The following PCSK2 variants were observed in gnomAD, a reference collection of about 807,000 sequenced individuals.
PCSK2 encodes the protein neuroendocrine convertase 2.
A neutral mutation model predicts 69.7 loss-of-function variants in PCSK2; 14 were observed. That is an observed-to-expected ratio of 0.20 (90% CI 0.13 to 0.31). The LOEUF (loss-of-function observed/expected upper bound fraction) is 0.31, where lower values mean the gene tolerates loss of function less well. Ranked by LOEUF, PCSK2 falls within the 10% of genes least tolerant of loss-of-function variation. The pLI is 1.00. For missense variants in PCSK2, 544 were observed against 842.5 expected (o/e 0.65, Z 4.39); for synonymous variants, 307 against 320.7 (o/e 0.96, Z 0.46).
At chr20:17,438,203 G>A (rs1172739891) in intron 8 of PCSK2, among the ~76,000 whole-genome samples, 12 of 152,192 alleles carry the variant, frequency 7.9e-5, no homozygotes, top group Non-Finnish European at 1.5e-5. Flanking sequence ...TAGATGAAAT[G>A]GCTATAGAAA....
chr20:17,402,769 A>G (rs1381905190), intron 5 of PCSK2, among the ~76,000 whole-genome samples: 1 of 151,840 alleles, frequency 6.6e-6, no homozygotes, highest in Non-Finnish European at 1.5e-5. Context: ...CCTGGCTAAT[A>G]TAGTGAACCC....
intron 6 of PCSK2, among the ~76,000 whole-genome samples, chr20:17,416,780 C>T (rs151159708): frequency 0.011 from 1,657 of 152,232 alleles, 14 homozygotes; most frequent in South Asian, 0.039. Flanking sequence ...CCCAAATGTC[C>T]ATCAATGATA....
chr20:17,329,090 C>A (rs1327624799), intron 2 of PCSK2, among the ~76,000 whole-genome samples: 1 of 152,102 alleles, frequency 6.6e-6, no homozygotes, highest in Non-Finnish European at 1.5e-5. Context: ...ATTAAAATAC[C>A]AAACACAGTG....
intron 1 of PCSK2, among the ~76,000 whole-genome samples, chr20:17,255,280 G>C (rs1300317744): frequency 1.3e-5 from 2 of 152,000 alleles, no homozygotes; most frequent in Non-Finnish European, 2.9e-5. Context: ...CATTAACTAT[G>C]GTGTTAGCTG....
chr20:17,450,348 T>C (rs567167806), intron 8 of PCSK2, among the ~76,000 whole-genome samples: 17 of 152,188 alleles, frequency 1.1e-4, no homozygotes, highest in African/African-American at 3.6e-4. Context: ...ATTTTATCCT[T>C]TATGTGGCCA....
At chr20:17,267,078 T>C (rs1294515626) in intron 2 of PCSK2, among the ~76,000 whole-genome samples, 1 of 152,136 alleles carries the variant, frequency 6.6e-6, no homozygotes, top group Non-Finnish European at 1.5e-5. Flanking sequence ...GGACATGGCT[T>C]CCCAGATCAG....
chr20:17,234,292 A>C (rs1986251338), intron 1 of PCSK2, among the ~76,000 whole-genome samples: 1 of 152,202 alleles, frequency 6.6e-6, no homozygotes, highest in Non-Finnish European at 1.5e-5. Flanking sequence ...CCCATTCTAC[A>C]CACTGTTCTT....
At position 17,365,983 on chromosome 20, in the gene PCSK2, G is replaced by A. The variant is rs73255662; in HGVS notation, c.506-3257G>A. 2.9e-3 allele frequency among the ~76,000 whole-genome samples: 447 copies of A among 152,292 alleles called. 3 individuals carry two copies. The highest frequency in any genetic ancestry group is 0.01 in the African/African-American group (429 of 41,560). ...CCACACTGGAATCACATGTTAGTGG[G>A]TCTGTAGTTCTGGGGTCTCAGGGCA... On this transcript the variant is annotated intron_variant, in intron 4 of 11. Coordinates refer to ENST00000262545, the MANE Select transcript of PCSK2 (RefSeq NM_002594.5).
At chr20:17,424,460 G>A (rs575474073) in intron 6 of PCSK2, among the ~76,000 whole-genome samples, 11 of 152,256 alleles carry the variant, frequency 7.2e-5, no homozygotes, top group South Asian at 2.1e-4. Context: ...AATTGTATCT[G>A]TAAAGATTTA....
At chr20:17,315,855 G>A (rs777012891) in intron 2 of PCSK2, among the ~76,000 whole-genome samples, 1 of 152,204 alleles carries the variant, frequency 6.6e-6, no homozygotes, top group Non-Finnish European at 1.5e-5. Context: ...TGTGAAGCCA[G>A]TGTGAATCCA....
At position 17,239,226 on chromosome 20, in the gene PCSK2, C is replaced by T. The variant is rs1171155433; in HGVS notation, c.177+11744C>T. ...ATTTCTGTGGGAAGAAAAAATATCACTTTTATCAGGGCACCACCAATTCTC... is the reference window on the plus strand; with the variant it reads ...ATTTCTGTGGGAAGAAAAAATATCATTTTTATCAGGGCACCACCAATTCTC... On this transcript the variant is annotated intron_variant, in intron 1 of 11. Coordinates refer to ENST00000262545, the MANE Select transcript of PCSK2 (RefSeq NM_002594.5). Among the ~76,000 whole-genome samples the T allele has an allele frequency of 7.9e-5, 12 of 152,166 alleles. No individual in the cohort carries two copies. The East Asian group carries it at 2.1e-3, about 27-fold the overall frequency.
At chr20:17,467,274 G>C (rs558390617) in intron 11 of PCSK2, among the ~76,000 whole-genome samples, 1 of 152,172 alleles carries the variant, frequency 6.6e-6, no homozygotes, top group Admixed American at 6.5e-5. Flanking sequence ...GCATGGTGAC[G>C]TCTATGGGCC....
rs147405857 is a variant in PCSK2 at position 17,305,499 on chromosome 20, C to G, written c.282+45155C>G. 7.2e-5 allele frequency among the ~76,000 whole-genome samples: 11 copies of G among 152,280 alleles called. No individual in the cohort carries two copies. In the East Asian group the frequency reaches 2.1e-3, roughly 29 times the overall value. Reference sequence around the variant, plus strand: ...AGAGCAGCACCATCAAAACCCCAGGCTTGGCTGCAAATCTCGGCTCTCTGC... The same window carrying G: ...AGAGCAGCACCATCAAAACCCCAGGGTTGGCTGCAAATCTCGGCTCTCTGC... On this transcript the variant is annotated intron_variant, in intron 2 of 11. Transcript: ENST00000262545.
chr20:17,407,340 G>T (rs2031775255), intron 5 of PCSK2, among the ~76,000 whole-genome samples: 1 of 152,070 alleles, frequency 6.6e-6, no homozygotes, highest in Non-Finnish European at 1.5e-5. Context: ...TCACCTTAGG[G>T]AATTTTAATT....
At chr20:17,468,251 C>T (rs1040248002) in intron 11 of PCSK2, among the ~76,000 whole-genome samples, 75 of 121,850 alleles carry the variant, frequency 6.2e-4, no homozygotes, top group South Asian at 2.8e-3. Context: ...AGCGTCCTGC[C>T]GTAGACGGGC....
intron 5 of PCSK2, among the ~76,000 whole-genome samples, chr20:17,406,475 A>G (rs2031752842): frequency 6.6e-6 from 1 of 152,202 alleles, no homozygotes; most frequent in African/African-American, 2.4e-5. Context: ...CCATTTCAAC[A>G]TTCAGAGGCC....
At chr20:17,378,329 T>C (rs2030987845) in intron 5 of PCSK2, among the ~76,000 whole-genome samples, 1 of 152,102 alleles carries the variant, frequency 6.6e-6, no homozygotes, top group Admixed American at 6.6e-5. Flanking sequence ...ACTAGACAAA[T>C]GGGTAATTGG....
intron 11 of PCSK2, among the ~76,000 whole-genome samples, chr20:17,476,572 T>A (rs2033294095): frequency 6.6e-6 from 1 of 152,192 alleles, no homozygotes; most frequent in South Asian, 2.1e-4. Flanking sequence ...TACATGTATA[T>A]ACACATATAG....
intron 8 of PCSK2, among the ~76,000 whole-genome samples, chr20:17,448,902 T>G (rs1600588540): frequency 6.6e-6 from 1 of 152,036 alleles, no homozygotes; most frequent in East Asian, 1.9e-4. Flanking sequence ...CCTTTTTTTT[T>G]TTTTTTTTTT....
Sources: allele counts gnomAD v4.1 joint callset (sites outside exome capture counted in the v4.1 genomes callset), GRCh38; gene constraint gnomAD v4.1.1; transcripts MANE v1.5; gene names NCBI Gene and HGNC (gene_info 2026-07-23, HGNC 2026-07-21).